Variants in PPA2 observed in about 807,000 individuals in gnomAD.
The protein encoded by PPA2 is inorganic pyrophosphatase 2.
PPA2 carries 48 observed loss-of-function variants against 49.5 expected under a neutral mutation model. That is an observed-to-expected ratio of 0.97 (90% CI 0.77 to 1.23). PPA2 has a LOEUF of 1.23. Among genes scored for constraint, PPA2 ranks in the 50% most tolerant of loss-of-function variants. The probability of loss-of-function intolerance (pLI) is 0.00; values close to 1 mark genes in which losing one functional copy is unlikely to be tolerated. For missense variants in PPA2, 429 were observed against 410.1 expected (o/e 1.05, Z -0.40); for synonymous variants, 131 against 139.9 (o/e 0.94, Z 0.45).
intron 6 of PPA2, among the ~76,000 whole-genome samples, chr4:105,435,114 T>C (rs1041976302): frequency 2.0e-5 from 3 of 152,200 alleles, no homozygotes; most frequent in Non-Finnish European, 4.4e-5. Flanking sequence ...CTTCTTTCCC[T>C]CTGCCCATTA....
intron 8 of PPA2, 58 bp from the exon 9 acceptor site, chr4:105,396,392 C>T (rs1456857787): frequency 1.8e-5 from 21 of 1,173,992 alleles, no homozygotes; most frequent in Non-Finnish European, 2.4e-5. Flanking sequence ...CATTGTTACA[C>T]TAACACAAAA....
chr4:105,439,263 T>G (rs183325326), intron 5 of PPA2, among the ~76,000 whole-genome samples: 5 of 152,346 alleles, frequency 3.3e-5, no homozygotes, highest in African/African-American at 1.2e-4. Context: ...CACAAACTCA[T>G]GGTTTCTATA....
At chr4:105,385,570 C>T (rs1388348921) in intron 10 of PPA2, among the ~76,000 whole-genome samples, 1 of 152,034 alleles carries the variant, frequency 6.6e-6, no homozygotes, top group Non-Finnish European at 1.5e-5. Context: ...TTCTTAAAAA[C>T]CCTTAATTTA....
intron 1 of PPA2, among the ~76,000 whole-genome samples, chr4:105,461,118 A>G (rs781347988): frequency 6.6e-6 from 1 of 152,076 alleles, no homozygotes; most frequent in Non-Finnish European, 1.5e-5. Context: ...CAATGACTAG[A>G]AAGGCCAAAA....
At chr4:105,446,632 CT>C in intron 4 of PPA2, 130 bp from the exon 5 acceptor site, 1 of 1,158,776 alleles carries the variant, frequency 8.6e-7, no homozygotes, top group Non-Finnish European at 1.2e-6. Flanking sequence ...ATCAAAGATG[CT>C]TTAAAAGAAA....
chr4:105,429,408 T>C (rs1446680490), intron 6 of PPA2, among the ~76,000 whole-genome samples: 2 of 152,214 alleles, frequency 1.3e-5, no homozygotes, highest in Non-Finnish European at 2.9e-5. Context: ...ATATAACTTA[T>C]TCCCTTATGC....
intron 6 of PPA2, among the ~76,000 whole-genome samples, chr4:105,427,893 A>C (rs1723599882): frequency 1.3e-5 from 2 of 152,170 alleles, no homozygotes; most frequent in African/African-American, 2.4e-5. Flanking sequence ...AACATACATA[A>C]TTGTCAGATT....
intron 9 of PPA2, among the ~76,000 whole-genome samples, chr4:105,394,738 A>G: frequency 6.6e-6 from 1 of 152,296 alleles, no homozygotes. Context: ...AGCTATATAT[A>G]TACTAACCAA....
At chr4:105,463,797 T>C (rs1723189814) in intron 1 of PPA2, among the ~76,000 whole-genome samples, 2 of 152,152 alleles carry the variant, frequency 1.3e-5, no homozygotes, top group Non-Finnish European at 2.9e-5. Flanking sequence ...TTCCAAGTGG[T>C]GTTGAGCCTG....
At chr4:105,391,569 G>A (rs982878496) in intron 9 of PPA2, among the ~76,000 whole-genome samples, 1 of 151,834 alleles carries the variant, frequency 6.6e-6, no homozygotes, top group Admixed American at 6.6e-5. Flanking sequence ...GTTCTACATA[G>A]AGGTATGTAC....
Position 105,393,256 on chromosome 4 carries a change from G to A in PPA2, c.869+2993C>T, listed in dbSNP as rs182783413. ...CACCTGTAATCCCAGCACTTTGGGA[G>A]GCTGAGGTGGGTGGATTGCTTGATC... On this transcript the variant is annotated intron_variant, in intron 9 of 11. Transcript: ENST00000341695. Among the ~76,000 whole-genome samples, 222 of 152,162 alleles carry A rather than the reference G, an allele frequency of 1.5e-3. 2 individuals are homozygous for A. The highest frequency in any genetic ancestry group is 4.9e-3 in the African/African-American group (204 of 41,528).
In PPA2 at chr4:105,370,879, A is replaced by G; in HGVS notation, c.940-6T>C. The G allele has an allele frequency of 1.4e-6, 2 of 1,472,580 alleles. No homozygotes were observed. 91.2% of individuals were successfully genotyped at this position (1,472,580 alleles called of 1,614,324 possible). A position where few individuals can be genotyped will look rare whatever the true frequency, so the allele number is the denominator to read the frequency against. ...TTATTTGGTGAAGATGATACCTGGAAATAAAAACAGAGAAAGAATCTCTGT... is the reference window on the plus strand; with the variant it reads ...TTATTTGGTGAAGATGATACCTGGAGATAAAAACAGAGAAAGAATCTCTGT... On this transcript the variant is annotated splice_polypyrimidine_tract_variant and splice_region_variant and intron_variant, in intron 10 of 11. Transcript: ENST00000341695.
intron 7 of PPA2, among the ~76,000 whole-genome samples, chr4:105,402,981 TTCTTTTTCTTTCC>T (rs1722285232): frequency 6.7e-6 from 1 of 149,976 alleles, no homozygotes; most frequent in South Asian, 2.1e-4. Context: ...TCAAAATTCT[TTCTTTTTCTTTCC>T]TCTTTTTCTT....
intron 7 of PPA2, among the ~76,000 whole-genome samples, chr4:105,422,137 A>T (rs1723280956): frequency 1.3e-5 from 2 of 152,232 alleles, no homozygotes; most frequent in African/African-American, 4.8e-5. Flanking sequence ...TATCCTTAAA[A>T]TAAACAATTT....
intron 8 of PPA2, 74 bp from the exon 9 acceptor site, chr4:105,396,408 C>A (rs1734151469): frequency 2.0e-6 from 2 of 983,452 alleles, no homozygotes; most frequent in African/African-American, 3.4e-5. Flanking sequence ...CAAAACTAAT[C>A]TTGTGATGAC....
intron 5 of PPA2, among the ~76,000 whole-genome samples, chr4:105,443,630 C>T (rs1287117574): frequency 1.3e-4 from 15 of 118,614 alleles, no homozygotes; most frequent in Middle Eastern, 4.7e-3. Context: ...CACACACACA[C>T]ACACACAGAC....
Position 105,405,693 on chromosome 4 carries a change from A to G in PPA2, c.656-6529T>C, listed in dbSNP as rs538051103. On this transcript the variant is annotated intron_variant, in intron 7 of 11. Transcript: ENST00000341695. ...GGAGGGGCACTAAATTCGTGTTTCAATGTACTCCCTCAGGCTAACCTACCT... is the reference window on the plus strand; with the variant it reads ...GGAGGGGCACTAAATTCGTGTTTCAGTGTACTCCCTCAGGCTAACCTACCT... The G allele has an allele frequency of 7.2e-4, 652 of 911,216 alleles. 5 individuals are homozygous for G. Among genetic ancestry groups the G allele is most frequent in the Middle Eastern group, 3.4e-3 (10 of 2,920 alleles). 56.4% of individuals were successfully genotyped at this position (911,216 alleles called of 1,614,324 possible).
intron 7 of PPA2, among the ~76,000 whole-genome samples, chr4:105,407,684 C>T (rs1722546506): frequency 6.6e-6 from 1 of 152,170 alleles, no homozygotes. Flanking sequence ...ATACATGCAA[C>T]AATATGCATG....
At chr4:105,423,940 A>G (rs1459762938) in intron 7 of PPA2, among the ~76,000 whole-genome samples, 1 of 152,148 alleles carries the variant, frequency 6.6e-6, no homozygotes, top group Non-Finnish European at 1.5e-5. Flanking sequence ...TAAGGAAAGA[A>G]GAAAGGAGGG....
Sources: gnomAD v4.1 joint callset for allele counts (sites outside exome capture counted in the v4.1 genomes callset) on GRCh38, gnomAD v4.1.1 for gene constraint, MANE v1.5 for transcripts, NCBI Gene and HGNC (gene_info 2026-07-23, HGNC 2026-07-21) for gene names.